CLOCK: variants seen among roughly 807,000 people sequenced by gnomAD.
The protein encoded by CLOCK is clock circadian regulator, also known as circadian locomoter output cycles protein kaput.
In CLOCK, 43 loss-of-function variants were observed where a neutral mutation model predicts 118.4. That is an observed-to-expected ratio of 0.36 (90% CI 0.28 to 0.47). CLOCK has a LOEUF of 0.47. Ranked by LOEUF, CLOCK falls within the 20% of genes least tolerant of loss-of-function variation. The pLI, the probability that CLOCK is intolerant of heterozygous loss-of-function variation, is 1.00. For missense variants in CLOCK, 846 were observed against 999.9 expected (o/e 0.85, Z 2.08); for synonymous variants, 326 against 339.2 (o/e 0.96, Z 0.43).
In CLOCK at chr4:55,456,202, T is replaced by C. The variant is rs749204304; in HGVS notation, c.875+16A>G. ...CATGACTATTACCTTTTCATGGAAT[T>C]TAAAAATGGAATTACCTGTGATCTA... On this transcript the variant is annotated intron_variant, in intron 12 of 22. Transcript: ENST00000513440. 1.3e-6 allele frequency: 2 copies of C among 1,541,644 alleles called. No individual in the cohort carries two copies. Among genetic ancestry groups the C allele is most frequent in the Non-Finnish European group, 1.8e-6 (2 of 1,118,246 alleles).
intron 2 of CLOCK, among the ~76,000 whole-genome samples, chr4:55,494,957 G>A (rs1014722615): frequency 7.2e-5 from 11 of 152,162 alleles, no homozygotes; most frequent in Non-Finnish European, 1.5e-4. Flanking sequence ...AAGCCATTAA[G>A]TTTGTGGTTA....
At chr4:55,438,203 CA>C in intron 22 of CLOCK, 78 bp downstream of exon 22, 1 of 1,522,014 alleles carries the variant, frequency 6.6e-7, no homozygotes, top group Non-Finnish European at 9.1e-7. Context: ...ACATCACTCA[CA>C]AATCTGTTCA....
Position 55,514,197 on chromosome 4 carries a change from G to C in CLOCK, c.-289-4132C>G, listed in dbSNP as rs200737193. Reference sequence around the variant, plus strand: ...CTTATCCTGTTCCTGATCTTACTGGGAATCTTAAGTTCTAGATTCTCACCA... The same window carrying C: ...CTTATCCTGTTCCTGATCTTACTGGCAATCTTAAGTTCTAGATTCTCACCA... On this transcript the variant is annotated intron_variant, in intron 1 of 22. Transcript: ENST00000513440. Among the ~76,000 whole-genome samples the C allele has an allele frequency of 2.0e-5, 3 of 151,974 alleles. No individual in the cohort carries two copies. In the East Asian group the frequency reaches 5.8e-4, roughly 29 times the overall value.
intron 2 of CLOCK, among the ~76,000 whole-genome samples, chr4:55,496,202 A>T (rs1022638354): frequency 6.6e-5 from 10 of 152,222 alleles, no homozygotes; most frequent in Admixed American, 5.9e-4. Flanking sequence ...AAAAAAAGAA[A>T]CAATCAAAAA....
At chr4:55,509,527 CTCT>C (rs1253054984) in intron 2 of CLOCK, among the ~76,000 whole-genome samples, 1 of 152,186 alleles carries the variant, frequency 6.6e-6, no homozygotes, top group Non-Finnish European at 1.5e-5. Context: ...TGCAGTCTGG[CTCT>C]TCTTTTACCT....
chr4:55,529,908 G>A (rs1389245291), intron 1 of CLOCK, among the ~76,000 whole-genome samples: 2 of 152,060 alleles, frequency 1.3e-5, no homozygotes. Context: ...ATAAACATTC[G>A]CAGGTCAGAA....
At chr4:55,445,485 G>A (rs1723733216) in intron 18 of CLOCK, among the ~76,000 whole-genome samples, 1 of 151,904 alleles carries the variant, frequency 6.6e-6, no homozygotes, top group Non-Finnish European at 1.5e-5. Flanking sequence ...AGGAGGTTAG[G>A]AGCTTGTGGG....
At chr4:55,455,815 G>T in intron 13 of CLOCK, 82 bp downstream of exon 13, 2 of 963,900 alleles carry the variant, frequency 2.1e-6, no homozygotes, top group South Asian at 1.3e-5. Flanking sequence ...TTATAAATCT[G>T]TGTCTTACTA....
At chr4:55,497,696 C>T (rs1728176551) in intron 2 of CLOCK, among the ~76,000 whole-genome samples, 1 of 152,170 alleles carries the variant, frequency 6.6e-6, no homozygotes, top group South Asian at 2.1e-4. Flanking sequence ...ATGCGTTCAA[C>T]TGTAACTAAA....
chr4:55,438,292 T>C lies in CLOCK; in HGVS notation c.2351A>G (p.Gln784Arg), dbSNP rs1215879714. ...CATGGGGAGAATTACCTGTAAAAAT[T>C]GTTGCGGTGGCTGGGTCAGCTGAGC... The part of the protein sequence containing the change: ...SQAQLTQPPQ[Q>R]FLQTSRLLHG... Residue 784 changes from glutamine to arginine, a missense_variant, in exon 22 of 23, where the codon CAA becomes CGA. Around this residue, in one of 4 missense-constraint regions of CLOCK, gnomAD observed 520 missense variants for 558.0 expected, o/e 0.93. Transcript: ENST00000513440. The C allele has an allele frequency of 1.2e-6, 2 of 1,614,074 alleles. No homozygotes were observed. The highest frequency in any genetic ancestry group is 4.5e-5 in the East Asian group (2 of 44,870).
At position 55,512,858 on chromosome 4, in the gene CLOCK, T is replaced by C. The variant is rs537751265; in HGVS notation, c.-289-2793A>G. On this transcript the variant is annotated intron_variant, in intron 1 of 22. Coordinates refer to ENST00000513440, the MANE Select transcript of CLOCK (RefSeq NM_004898.4). Reference sequence around the variant, plus strand: ...TCTTTGTTCCTCTGTGAACCATTAGTTGACTATGCAATCATGAATTGCATT... The same window carrying C: ...TCTTTGTTCCTCTGTGAACCATTAGCTGACTATGCAATCATGAATTGCATT... 2.6e-5 allele frequency among the ~76,000 whole-genome samples: 4 copies of C among 152,332 alleles called. No individual in the cohort carries two copies. The South Asian group carries it at 6.2e-4, about 24-fold the overall frequency.
rs1458868482 is a variant in CLOCK, at chr4:55,456,114, G to A, written c.875+104C>T. 8 of 1,317,444 alleles carry A rather than the reference G, an allele frequency of 6.1e-6. No individual in the cohort carries two copies. The East Asian group carries it at 1.5e-4, about 24-fold the overall frequency. The allele number at this position is 1,317,444 out of a possible 1,614,324, so 81.6% of individuals were successfully genotyped here. A position where few individuals can be genotyped will look rare whatever the true frequency, so the allele number is the denominator to read the frequency against. ...TTTATTTTTCAAAAAATGGGAACAG[G>A]TTTCAAAGTCCTAATTTAAAAAAAA... On this transcript the variant is annotated intron_variant, in intron 12 of 22. Coordinates refer to ENST00000513440, the MANE Select transcript of CLOCK (RefSeq NM_004898.4).
chr4:55,484,340 G>A (rs557597295), intron 3 of CLOCK, among the ~76,000 whole-genome samples: 2 of 151,920 alleles, frequency 1.3e-5, no homozygotes, highest in African/African-American at 2.4e-5. Flanking sequence ...ACAGGTGCTC[G>A]CTACCATACC....
chr4:55,435,196 C>T lies in CLOCK; in HGVS notation c.*219G>A, dbSNP rs981601715. ...CCAGGCACCTAAAACACTGTCAGAA[C>T]TGGCTATGCCCCTATGATCACCTCC... On this transcript the variant is annotated 3_prime_UTR_variant, in exon 23 of 23. Transcript: ENST00000513440. 3 of 569,080 alleles carry T rather than the reference C, an allele frequency of 5.3e-6. No individual in the cohort carries two copies. The highest frequency in any genetic ancestry group is 1.9e-5 in the African/African-American group (1 of 53,212). The allele number at this position is 569,080 out of a possible 1,614,324, so 35.3% of individuals were successfully genotyped here.
chr4:55,473,060 C>A (rs1355823578), intron 7 of CLOCK, among the ~76,000 whole-genome samples: 2 of 151,956 alleles, frequency 1.3e-5, no homozygotes, highest in African/African-American at 2.4e-5. Flanking sequence ...CTCGTCTCTA[C>A]TAAAAATAAA....
intron 2 of CLOCK, among the ~76,000 whole-genome samples, chr4:55,491,177 A>T (rs1727648805): frequency 6.8e-6 from 1 of 147,132 alleles, no homozygotes; most frequent in Non-Finnish European, 1.5e-5. Flanking sequence ...TCTGACAGGG[A>T]ATCTTATTTC....
chr4:55,513,422 G>T (rs1426439441), intron 1 of CLOCK, among the ~76,000 whole-genome samples: 1 of 152,060 alleles, frequency 6.6e-6, no homozygotes, highest in Non-Finnish European at 1.5e-5. Context: ...ATCTCAGAAT[G>T]TATCCCTGTC....
intron 18 of CLOCK, among the ~76,000 whole-genome samples, chr4:55,447,313 G>A (rs573902890): frequency 4.6e-5 from 7 of 152,094 alleles, no homozygotes; most frequent in African/African-American, 1.2e-4. Context: ...GCAGTAAGCC[G>A]AGATTGCGCC....
At chr4:55,479,105 C>A in intron 5 of CLOCK, 142 bp from the exon 6 acceptor site, 1 of 652,624 alleles carries the variant, frequency 1.5e-6, no homozygotes, top group Non-Finnish European at 2.4e-6. Flanking sequence ...TACCAATATA[C>A]AGTTAATTTG....
Sources: gnomAD v4.1 joint callset for allele counts (sites outside exome capture counted in the v4.1 genomes callset) on GRCh38, gnomAD v4.1.1 for gene constraint, gnomAD v4.1.1 regional missense constraint, MANE v1.5 for transcripts, NCBI Gene and HGNC (gene_info 2026-07-23, HGNC 2026-07-21) for gene names.